Variants in CDH12 observed in about 807,000 individuals in gnomAD.
The protein encoded by CDH12 is cadherin-12.
CDH12 carries 41 observed loss-of-function variants against 74.1 expected under a neutral mutation model. The observed-to-expected ratio is 0.55, with a 90% confidence interval of 0.43 to 0.72. CDH12 has a LOEUF of 0.72. CDH12 is among the 30% of genes least tolerant of loss of function. The probability of loss-of-function intolerance (pLI) is 0.00; values close to 1 mark genes in which losing one functional copy is unlikely to be tolerated. For synonymous variants in CDH12, 399 were observed against 355.0 expected (o/e 1.12, Z -1.39); for missense variants, 945 against 977.2 (o/e 0.97, Z 0.44).
chr5:22,499,716 A>G (rs1747257231), intron 2 of CDH12, among the ~76,000 whole-genome samples: 1 of 152,146 alleles, frequency 6.6e-6, no homozygotes, highest in African/African-American at 2.4e-5. Context: ...TACCCAGTGT[A>G]GAAGTAGCCC....
At chr5:22,512,841 T>C (rs1264349606) in intron 1 of CDH12, among the ~76,000 whole-genome samples, 2 of 151,998 alleles carry the variant, frequency 1.3e-5, no homozygotes, top group Non-Finnish European at 2.9e-5. Context: ...GTCGGGTGGA[T>C]CATCTGAGTT....
At chr5:22,536,127 C>A (rs1233363156) in intron 1 of CDH12, among the ~76,000 whole-genome samples, 1 of 152,116 alleles carries the variant, frequency 6.6e-6, no homozygotes, top group Non-Finnish European at 1.5e-5. Context: ...TAGAACCAAT[C>A]CCTCATGGAT....
intron 6 of CDH12, among the ~76,000 whole-genome samples, chr5:21,962,910 G>C (rs1428190744): frequency 6.6e-6 from 1 of 152,052 alleles, no homozygotes; most frequent in African/African-American, 2.4e-5. Context: ...GCTTTCAGCA[G>C]GTCTTGCAGA....
chr5:22,176,395 T>C (rs1749340259), intron 4 of CDH12, among the ~76,000 whole-genome samples: 1 of 152,188 alleles, frequency 6.6e-6, no homozygotes, highest in South Asian at 2.1e-4. Flanking sequence ...TTTCTGATAC[T>C]TTAAATAGCT....
At chr5:22,059,869 G>C (rs1055402142) in intron 5 of CDH12, among the ~76,000 whole-genome samples, 2 of 152,108 alleles carry the variant, frequency 1.3e-5, no homozygotes, top group African/African-American at 4.8e-5. Flanking sequence ...GAGGTTTTCA[G>C]TACAATTTTA....
chr5:22,330,907 C>A (rs1739323345), intron 3 of CDH12, among the ~76,000 whole-genome samples: 1 of 151,950 alleles, frequency 6.6e-6, no homozygotes, highest in Non-Finnish European at 1.5e-5. Context: ...TACCATGGGC[C>A]AAAGGTGAGC....
chr5:22,833,240 C>T (rs1347482098), intron 1 of CDH12, among the ~76,000 whole-genome samples: 1 of 152,094 alleles, frequency 6.6e-6, no homozygotes, highest in Non-Finnish European at 1.5e-5. Context: ...GACAATATCC[C>T]AATGTGCTGT....
chr5:22,225,908 T>TAAC (rs34497388), intron 3 of CDH12, among the ~76,000 whole-genome samples: 70,538 of 151,178 alleles, frequency 0.47, 16,784 homozygotes, highest in South Asian at 0.59. Flanking sequence ...CCTCTAACAA[T>TAAC]AACAACAACA....
intron 4 of CDH12, among the ~76,000 whole-genome samples, chr5:22,206,820 C>T (rs1395422189): frequency 6.7e-6 from 1 of 150,152 alleles, no homozygotes; most frequent in Non-Finnish European, 1.5e-5. Context: ...GTTTTAAATA[C>T]CATAGAAAAA....
At chr5:22,538,507 C>T (rs7727594) in intron 1 of CDH12, among the ~76,000 whole-genome samples, 6,574 of 152,128 alleles carry the variant, frequency 0.043, 467 homozygotes, top group African/African-American at 0.14. Flanking sequence ...TCCTGACTTC[C>T]ACTGACAAGA....
intron 1 of CDH12, among the ~76,000 whole-genome samples, chr5:22,671,108 G>C (rs184753490): frequency 5.3e-5 from 8 of 151,938 alleles, no homozygotes; most frequent in Admixed American, 6.6e-5. Flanking sequence ...TAACTTTACT[G>C]AGGAAAAATT....
chr5:22,597,564 G>A (rs543104018), intron 1 of CDH12, among the ~76,000 whole-genome samples: 1 of 152,072 alleles, frequency 6.6e-6, no homozygotes, highest in Non-Finnish European at 1.5e-5. Context: ...TCAAAAGATT[G>A]ATTATCTTCA....
intron 1 of CDH12, among the ~76,000 whole-genome samples, chr5:22,604,611 T>C (rs1440662996): frequency 2.0e-5 from 3 of 152,122 alleles, no homozygotes; most frequent in African/African-American, 7.2e-5. Flanking sequence ...AAGTATTCAG[T>C]GAAAATATTG....
chr5:22,341,717 A>G (rs73055954), intron 3 of CDH12, among the ~76,000 whole-genome samples: 2 of 152,120 alleles, frequency 1.3e-5, no homozygotes, highest in Non-Finnish European at 2.9e-5. Flanking sequence ...CTTACCCTTC[A>G]TTATATCAAA....
intron 5 of CDH12, among the ~76,000 whole-genome samples, chr5:22,053,146 A>G (rs1003966830): frequency 1.3e-5 from 2 of 151,724 alleles, no homozygotes; most frequent in Non-Finnish European, 2.9e-5. Context: ...CTGATTTGTT[A>G]AAAATATTTG....
At chr5:22,448,218 A>G (rs1334484577) in intron 2 of CDH12, among the ~76,000 whole-genome samples, 1 of 151,844 alleles carries the variant, frequency 6.6e-6, no homozygotes, top group Non-Finnish European at 1.5e-5. Context: ...ATTAAGCATT[A>G]CAAAAGTTTA....
chr5:22,115,945 CT>C (rs1397002536), intron 4 of CDH12, among the ~76,000 whole-genome samples: 1 of 152,068 alleles, frequency 6.6e-6, no homozygotes, highest in Non-Finnish European at 1.5e-5. Flanking sequence ...CTGGCTTGGC[CT>C]AGGAAAGTGC....
rs572094975 is a variant in CDH12, at chr5:22,624,687, C to T, written c.-522-119323G>A. On this transcript the variant is annotated intron_variant, in intron 1 of 14. Coordinates refer to ENST00000382254, the MANE Select transcript of CDH12 (RefSeq NM_004061.5). ...AGGTGCTGGAGAGGATGTGGAGAAA[C>T]AGGAACACTTTTACACAGTTGGTGG... Among the ~76,000 whole-genome samples the T allele has an allele frequency of 4.7e-4, 71 of 152,220 alleles. 2 individuals are homozygous for T. The South Asian group carries it at 7.5e-3, about 16-fold the overall frequency.
At chr5:22,185,030 G>T (rs1469769187) in intron 4 of CDH12, among the ~76,000 whole-genome samples, 1 of 151,872 alleles carries the variant, frequency 6.6e-6, no homozygotes, top group South Asian at 2.1e-4. Flanking sequence ...AAAGGCCCCA[G>T]TGTGTGTTGT....
Sources: gnomAD v4.1 joint callset for allele counts (sites outside exome capture counted in the v4.1 genomes callset) on GRCh38, gnomAD v4.1.1 for gene constraint, MANE v1.5 for transcripts, NCBI Gene and HGNC (gene_info 2026-07-23, HGNC 2026-07-21) for gene names.